Variants in UNC5C observed in about 807,000 individuals in gnomAD.
The protein encoded by UNC5C is unc-5 netrin receptor C.
UNC5C carries 47 observed loss-of-function variants against 99.8 expected under a neutral mutation model. The ratio of observed to expected loss-of-function variants is 0.47; its 90% CI spans 0.37 to 0.60. UNC5C has a LOEUF of 0.60. UNC5C is among the 20% of genes least tolerant of loss of function. The pLI is 0.00. For synonymous variants in UNC5C, 487 were observed against 452.2 expected (o/e 1.08, Z -0.98); for missense variants, 1,062 against 1,165.9 (o/e 0.91, Z 1.30).
chr4:95,544,263 A>ATGGGCATACACCATTAACAGCTCT (rs1395570419), intron 1 of UNC5C, among the ~76,000 whole-genome samples: 1 of 152,178 alleles, frequency 6.6e-6, no homozygotes, highest in Non-Finnish European at 1.5e-5. Context: ...AACTGACAGA[A>ATGGGCATACACCATTAACAGCTCT]TGGGCATACA....
intron 1 of UNC5C, among the ~76,000 whole-genome samples, chr4:95,413,472 G>T (rs867657027): frequency 1.3e-5 from 2 of 152,182 alleles, no homozygotes; most frequent in Middle Eastern, 6.8e-3. Flanking sequence ...CATCATCCAG[G>T]CATCATCTAA....
chr4:95,481,216 C>T (rs993473518), intron 1 of UNC5C, among the ~76,000 whole-genome samples: 3 of 151,916 alleles, frequency 2.0e-5, no homozygotes, highest in African/African-American at 4.8e-5. Flanking sequence ...ACACCAATAA[C>T]AGACAAACAG....
At chr4:95,445,136 T>C (rs1038446589) in intron 1 of UNC5C, among the ~76,000 whole-genome samples, 4 of 152,194 alleles carry the variant, frequency 2.6e-5, no homozygotes, top group Non-Finnish European at 4.4e-5. Flanking sequence ...ATTTTTGTAA[T>C]GGAGAGGGCA....
intron 2 of UNC5C, among the ~76,000 whole-genome samples, chr4:95,326,034 G>T (rs1742871544): frequency 6.6e-6 from 1 of 152,092 alleles, no homozygotes; most frequent in Non-Finnish European, 1.5e-5. Flanking sequence ...GAGAGCTCTG[G>T]GTTCATATCC....
intron 1 of UNC5C, among the ~76,000 whole-genome samples, chr4:95,470,421 C>T (rs1747931852): frequency 6.6e-6 from 1 of 152,018 alleles, no homozygotes; most frequent in Non-Finnish European, 1.5e-5. Context: ...CCTTGGGTTA[C>T]CTGGTCGACA....
At chr4:95,318,167 C>T (rs1314603411) in intron 2 of UNC5C, among the ~76,000 whole-genome samples, 3 of 151,988 alleles carry the variant, frequency 2.0e-5, no homozygotes, top group African/African-American at 7.3e-5. Context: ...GGATAATATC[C>T]TGGATTATCC....
intron 5 of UNC5C, among the ~76,000 whole-genome samples, chr4:95,247,590 A>G (rs1363503289): frequency 6.6e-6 from 1 of 152,186 alleles, no homozygotes; most frequent in Non-Finnish European, 1.5e-5. Flanking sequence ...ACAGAGAAGG[A>G]GGCAAGGGCT....
intron 1 of UNC5C, among the ~76,000 whole-genome samples, chr4:95,468,269 C>T (rs561044298): frequency 6.6e-6 from 1 of 151,930 alleles, no homozygotes; most frequent in Non-Finnish European, 1.5e-5. Context: ...TAATCAGAAC[C>T]CTTCTGCTAG....
At chr4:95,180,638 G>A (rs926444021) in intron 14 of UNC5C, among the ~76,000 whole-genome samples, 1 of 152,188 alleles carries the variant, frequency 6.6e-6, no homozygotes, top group Non-Finnish European at 1.5e-5. Flanking sequence ...CGCACAGCCT[G>A]GTCTCTGGGG....
At chr4:95,436,961 A>G (rs1432795509) in intron 1 of UNC5C, among the ~76,000 whole-genome samples, 3 of 150,348 alleles carry the variant, frequency 2.0e-5, no homozygotes, top group Non-Finnish European at 4.4e-5. Flanking sequence ...ACTGCCTTTA[A>G]TCGAACATAG....
chr4:95,326,238 A>C (rs1445815888), intron 2 of UNC5C, among the ~76,000 whole-genome samples: 1 of 149,364 alleles, frequency 6.7e-6, no homozygotes, highest in African/African-American at 2.5e-5. Flanking sequence ...TGTTGACCTT[A>C]TTGATATTTT....
At chr4:95,268,569 A>G (rs1479434919) in intron 4 of UNC5C, among the ~76,000 whole-genome samples, 2 of 152,216 alleles carry the variant, frequency 1.3e-5, no homozygotes, top group Admixed American at 1.3e-4. Flanking sequence ...CTAATCATAT[A>G]TGTCAATAAT....
chr4:95,481,546 C>A (rs187943540), intron 1 of UNC5C, among the ~76,000 whole-genome samples: 9,894 of 151,926 alleles, frequency 0.065, 398 homozygotes, highest in Non-Finnish European at 0.095. Context: ...GAGCCCACAT[C>A]GCCAAGTCAA....
chr4:95,341,963 T>C (rs1743596133), intron 1 of UNC5C, among the ~76,000 whole-genome samples: 1 of 152,132 alleles, frequency 6.6e-6, no homozygotes, highest in African/African-American at 2.4e-5. Flanking sequence ...GGAGCATTTA[T>C]ACTGCCCTAG....
At chr4:95,490,897 T>G (rs1721466101) in intron 1 of UNC5C, among the ~76,000 whole-genome samples, 1 of 151,756 alleles carries the variant, frequency 6.6e-6, no homozygotes, top group Admixed American at 6.6e-5. Context: ...AGGTCAAGTT[T>G]AGAATATAAT....
At chr4:95,264,098 A>G (rs1230670491) in intron 4 of UNC5C, among the ~76,000 whole-genome samples, 3 of 152,208 alleles carry the variant, frequency 2.0e-5, no homozygotes, top group Non-Finnish European at 2.9e-5. Flanking sequence ...TTTCTCAGGC[A>G]ATATGCTCTG....
At chr4:95,306,507 T>A (rs1330522166) in intron 2 of UNC5C, among the ~76,000 whole-genome samples, 2 of 152,152 alleles carry the variant, frequency 1.3e-5, no homozygotes, top group Non-Finnish European at 2.9e-5. Flanking sequence ...TGCCTCTTCA[T>A]GTATTTTATA....
chr4:95,423,061 G>C (rs973574445), intron 1 of UNC5C, among the ~76,000 whole-genome samples: 2 of 152,108 alleles, frequency 1.3e-5, no homozygotes, highest in African/African-American at 2.4e-5. Context: ...ACAATGAGAC[G>C]TTTTCCCACT....
At chr4:95,524,455 G>T (rs1722446950) in intron 1 of UNC5C, among the ~76,000 whole-genome samples, 1 of 152,170 alleles carries the variant, frequency 6.6e-6, no homozygotes, top group Admixed American at 6.5e-5. Flanking sequence ...CAGGCAGCTG[G>T]CAAATATCCA....
Sources: gnomAD v4.1 joint callset for allele counts (sites outside exome capture counted in the v4.1 genomes callset) on GRCh38, gnomAD v4.1.1 for gene constraint, MANE v1.5 for transcripts, NCBI Gene and HGNC (gene_info 2026-07-23, HGNC 2026-07-21) for gene names.